Variants in ROBO1 observed in about 807,000 individuals in gnomAD.
ROBO1 encodes the protein roundabout guidance receptor 1.
ROBO1 carries 149 observed loss-of-function variants against 195.9 expected under a neutral mutation model. The observed-to-expected ratio is 0.76, with a 90% CI of 0.67 to 0.87. ROBO1 has a LOEUF of 0.87. ROBO1 is among the 40% of genes least tolerant of loss of function. The pLI is 0.00. For synonymous variants in ROBO1, 816 were observed against 733.2 expected (o/e 1.11, Z -1.82); for missense variants, 1,933 against 2,068.3 (o/e 0.93, Z 1.27).
At chr3:78,605,407 C>T (rs956354319) in intron 29 of ROBO1, among the ~76,000 whole-genome samples, 5 of 152,112 alleles carry the variant, frequency 3.3e-5, no homozygotes, top group Admixed American at 2.0e-4. Context: ...TCTCTTCCTA[C>T]CTCCACATTC....
chr3:79,320,013 C>A (rs2033908453), intron 2 of ROBO1, among the ~76,000 whole-genome samples: 1 of 152,122 alleles, frequency 6.6e-6, no homozygotes, highest in South Asian at 2.1e-4. Context: ...TTGGAATAGT[C>A]AATCAATTTC....
chr3:78,748,636 CTT>C (rs2082716078), intron 4 of ROBO1, among the ~76,000 whole-genome samples: 1 of 151,998 alleles, frequency 6.6e-6, no homozygotes, highest in African/African-American at 2.4e-5. Context: ...AAAAATCACT[CTT>C]AAACTTTTTT....
chr3:79,671,800 C>A (rs1367833496), intron 1 of ROBO1, among the ~76,000 whole-genome samples: 1 of 151,738 alleles, frequency 6.6e-6, no homozygotes, highest in East Asian at 1.9e-4. Context: ...ACACAGTAAA[C>A]AATAACAGAT....
At chr3:79,542,902 AT>A (rs1942128895) in intron 2 of ROBO1, among the ~76,000 whole-genome samples, 1 of 152,090 alleles carries the variant, frequency 6.6e-6, no homozygotes, top group African/African-American at 2.4e-5. Context: ...ATAGCAATTC[AT>A]TTTAATTAAC....
At chr3:78,762,618 A>G (rs1373047776) in intron 4 of ROBO1, among the ~76,000 whole-genome samples, 1 of 151,982 alleles carries the variant, frequency 6.6e-6, no homozygotes, top group Admixed American at 6.6e-5. Context: ...TCCAGGTCAG[A>G]ACTATAGAGA....
chr3:79,075,886 T>C (rs1269009675), intron 3 of ROBO1, among the ~76,000 whole-genome samples: 1 of 151,622 alleles, frequency 6.6e-6, no homozygotes, highest in Non-Finnish European at 1.5e-5. Context: ...ATAATAAAAA[T>C]GAAAAGGGGT....
intron 2 of ROBO1, among the ~76,000 whole-genome samples, chr3:79,503,336 T>G (rs1244874670): frequency 6.6e-6 from 1 of 152,050 alleles, no homozygotes; most frequent in Non-Finnish European, 1.5e-5. Flanking sequence ...CATGGGAACA[T>G]CAGAAGAAAC....
At chr3:79,383,387 A>G (rs980101717) in intron 2 of ROBO1, among the ~76,000 whole-genome samples, 1 of 152,034 alleles carries the variant, frequency 6.6e-6, no homozygotes, top group Admixed American at 6.5e-5. Flanking sequence ...AACTGTCAAA[A>G]TAAATTGTTT....
At chr3:79,746,693 A>G (rs1703890945) in intron 1 of ROBO1, among the ~76,000 whole-genome samples, 1 of 152,014 alleles carries the variant, frequency 6.6e-6, no homozygotes, top group Non-Finnish European at 1.5e-5. Context: ...TTTTAGTCCT[A>G]ATATTTTACT....
intron 2 of ROBO1, among the ~76,000 whole-genome samples, chr3:79,169,369 G>A (rs1415557764): frequency 6.6e-6 from 1 of 151,890 alleles, no homozygotes; most frequent in Non-Finnish European, 1.5e-5. Context: ...GCATATCATA[G>A]CCAATAAATA....
At chr3:79,549,005 C>T (rs1000260197) in intron 2 of ROBO1, among the ~76,000 whole-genome samples, 1 of 152,132 alleles carries the variant, frequency 6.6e-6, no homozygotes, top group African/African-American at 2.4e-5. Flanking sequence ...TTTTTGTACT[C>T]ATTGCTAGTG....
At chr3:79,079,741 T>C (rs1009850498) in intron 3 of ROBO1, among the ~76,000 whole-genome samples, 4 of 151,752 alleles carry the variant, frequency 2.6e-5, no homozygotes, top group African/African-American at 7.3e-5. Context: ...TCTCAATGTA[T>C]CCACACCATA....
At chr3:78,714,761 A>G in intron 7 of ROBO1, 1 of 387,870 alleles carries the variant, frequency 2.6e-6, no homozygotes. Context: ...GTTGGCATTT[A>G]TTTACTTATT....
intron 4 of ROBO1, among the ~76,000 whole-genome samples, chr3:78,761,006 ATT>A (rs2083088732): frequency 6.6e-6 from 1 of 152,070 alleles, no homozygotes; most frequent in Non-Finnish European, 1.5e-5. Flanking sequence ...TTTAATTATT[ATT>A]GAGTTATTAA....
chr3:78,819,293 T>C (rs1262591771), intron 4 of ROBO1, among the ~76,000 whole-genome samples: 1 of 152,128 alleles, frequency 6.6e-6, no homozygotes, highest in Admixed American at 6.5e-5. Flanking sequence ...GCTTTCTGAC[T>C]CTTGTTTATC....
At position 78,833,782 on chromosome 3, in the gene ROBO1, T is replaced by A. The variant is rs189585791; in HGVS notation, c.500-86882A>T. Among the ~76,000 whole-genome samples, 10 of 151,958 alleles carry A rather than the reference T, an allele frequency of 6.6e-5. No individual in the cohort carries two copies. The East Asian group carries it at 1.6e-3, about 24-fold the overall frequency. On this transcript the variant is annotated intron_variant, in intron 4 of 30. Transcript: ENST00000464233. ...AGCAGTAGGCAGTTAGGTACAAAAA[T>A]TCTGAGACTACACAGAAAGAACTGA...
chr3:78,672,071 C>A (rs2107724920), intron 10 of ROBO1, among the ~76,000 whole-genome samples: 1 of 152,248 alleles, frequency 6.6e-6, no homozygotes, highest in South Asian at 2.1e-4. Flanking sequence ...CTCTAAGCCT[C>A]AGTTTTGTAT....
At chr3:79,618,082 AAG>A (rs1334344819) in intron 1 of ROBO1, among the ~76,000 whole-genome samples, 1 of 152,042 alleles carries the variant, frequency 6.6e-6, no homozygotes, top group East Asian at 1.9e-4. Flanking sequence ...ATAAAGAAAA[AAG>A]AATTTTTAAA....
chr3:78,777,843 T>C (rs1229743271), intron 4 of ROBO1, among the ~76,000 whole-genome samples: 3 of 152,224 alleles, frequency 2.0e-5, no homozygotes, highest in Non-Finnish European at 4.4e-5. Flanking sequence ...TCTTGCCTGA[T>C]TGCCCTAGCC....
Sources: allele counts gnomAD v4.1 joint callset (sites outside exome capture counted in the v4.1 genomes callset), GRCh38; gene constraint gnomAD v4.1.1; transcripts MANE v1.5; gene names NCBI Gene and HGNC (gene_info 2026-07-23, HGNC 2026-07-21).